FOXP2: variants seen among roughly 807,000 people sequenced by gnomAD.
The protein encoded by FOXP2 is forkhead box P2, also known as forkhead box protein P2.
In FOXP2, 12 loss-of-function variants were observed where a neutral mutation model predicts 115.8. The ratio of observed to expected loss-of-function variants is 0.10; its 90% confidence interval spans 0.07 to 0.17. The LOEUF (loss-of-function observed/expected upper bound fraction) is 0.17, where lower values mean the gene tolerates loss of function less well. FOXP2 is among the 10% of genes least tolerant of loss of function. The pLI is 1.00. For synonymous variants in FOXP2, 328 were observed against 297.7 expected (o/e 1.10, Z -1.05); for missense variants, 629 against 843.5 (o/e 0.75, Z 3.15).
chr7:114,265,705 T>C (rs974202186), intron 1 of FOXP2, among the ~76,000 whole-genome samples: 2 of 152,042 alleles, frequency 1.3e-5, no homozygotes, highest in African/African-American at 4.8e-5. Context: ...AGTGGGCTTC[T>C]GTGTGTGCAC....
intron 1 of FOXP2, among the ~76,000 whole-genome samples, chr7:114,236,252 C>T (rs1394119937): frequency 1.3e-5 from 2 of 152,010 alleles, no homozygotes; most frequent in African/African-American, 2.4e-5. Context: ...CAATGTTTGT[C>T]AATTTAAGAA....
At chr7:114,217,600 T>C (rs1251175703) in intron 1 of FOXP2, among the ~76,000 whole-genome samples, 3 of 152,146 alleles carry the variant, frequency 2.0e-5, no homozygotes, top group Non-Finnish European at 2.9e-5. Context: ...AGGAGGTTGA[T>C]ATGTCAGATA....
At chr7:114,176,302 C>CTTTCTTTCTTTCTTTCTT (rs1562992950) in intron 1 of FOXP2, among the ~76,000 whole-genome samples, 1 of 91,318 alleles carries the variant, frequency 1.1e-5, no homozygotes, top group African/African-American at 9.2e-5. Flanking sequence ...CTTTCTTTCT[C>CTTTCTTTCTTTCTTTCTT]TCTCTCTCTC....
chr7:114,529,875 G>A (rs915509969), intron 2 of FOXP2, among the ~76,000 whole-genome samples: 1 of 151,810 alleles, frequency 6.6e-6, no homozygotes, highest in Non-Finnish European at 1.5e-5. Context: ...AACAGAATAC[G>A]AATTTATATC....
chr7:114,125,146 ATT>A (rs1445048893), intron 1 of FOXP2, among the ~76,000 whole-genome samples: 1 of 151,984 alleles, frequency 6.6e-6, no homozygotes, highest in Non-Finnish European at 1.5e-5. Flanking sequence ...CCAGGATTTT[ATT>A]TTATTTTTTA....
intron 2 of FOXP2, among the ~76,000 whole-genome samples, chr7:114,391,794 T>C (rs1792608754): frequency 6.6e-6 from 1 of 152,218 alleles, no homozygotes; most frequent in African/African-American, 2.4e-5. Context: ...GACACTCAAA[T>C]GTCCACATGA....
At chr7:114,294,201 T>C (rs951527676) in intron 2 of FOXP2, among the ~76,000 whole-genome samples, 2 of 152,170 alleles carry the variant, frequency 1.3e-5, no homozygotes, top group African/African-American at 4.8e-5. Context: ...CCATTGATCA[T>C]ATCAATGTTG....
intron 1 of FOXP2, among the ~76,000 whole-genome samples, chr7:114,129,430 A>G (rs1014347586): frequency 6.6e-6 from 1 of 152,212 alleles, no homozygotes; most frequent in South Asian, 2.1e-4. Flanking sequence ...TAGTGCAAAT[A>G]GTCTGTTAGC....
At chr7:114,500,014 G>A (rs1227069400) in intron 2 of FOXP2, among the ~76,000 whole-genome samples, 1 of 152,040 alleles carries the variant, frequency 6.6e-6, no homozygotes, top group African/African-American at 2.4e-5. Context: ...AGGAGATCGA[G>A]ACCATCCTGG....
At chr7:114,460,328 T>C (rs1795509409) in intron 2 of FOXP2, among the ~76,000 whole-genome samples, 1 of 152,180 alleles carries the variant, frequency 6.6e-6, no homozygotes, top group African/African-American at 2.4e-5. Flanking sequence ...AGTTAAAAAC[T>C]TGCTGTTTTC....
chr7:114,626,469 G>T (rs1199487579), intron 3 of FOXP2, among the ~76,000 whole-genome samples: 2 of 151,586 alleles, frequency 1.3e-5, no homozygotes, highest in African/African-American at 4.8e-5. Context: ...AAAAAATAAG[G>T]AGCGGTTATG....
intron 1 of FOXP2, among the ~76,000 whole-genome samples, chr7:114,095,642 C>G (rs113116285): frequency 5.3e-5 from 8 of 152,106 alleles, no homozygotes; most frequent in African/African-American, 1.4e-4. Context: ...TTTTCCCTGA[C>G]GCTTCTATCA....
intron 1 of FOXP2, among the ~76,000 whole-genome samples, chr7:114,235,366 T>C (rs1008598018): frequency 2.7e-5 from 4 of 149,946 alleles, no homozygotes; most frequent in African/African-American, 4.9e-5. Flanking sequence ...GTATTTTAAC[T>C]TTTTTTTTTC....
chr7:114,330,195 T>C (rs1022105368), intron 2 of FOXP2, among the ~76,000 whole-genome samples: 1 of 152,144 alleles, frequency 6.6e-6, no homozygotes, highest in Non-Finnish European at 1.5e-5. Context: ...AAAATATTAT[T>C]AGAGTTAAGG....
intron 1 of FOXP2, among the ~76,000 whole-genome samples, chr7:114,242,266 T>C (rs1048029498): frequency 6.6e-6 from 1 of 152,042 alleles, no homozygotes; most frequent in Non-Finnish European, 1.5e-5. Flanking sequence ...TCTAGACACA[T>C]GATGATTTTG....
intron 1 of FOXP2, among the ~76,000 whole-genome samples, chr7:114,205,400 A>T (rs1221959329): frequency 1.3e-5 from 2 of 152,222 alleles, no homozygotes; most frequent in Non-Finnish European, 2.9e-5. Flanking sequence ...TAAGAATCAG[A>T]TGACCGTGTG....
intron 2 of FOXP2, among the ~76,000 whole-genome samples, chr7:114,311,169 T>C (rs1797139737): frequency 6.6e-6 from 1 of 152,132 alleles, no homozygotes; most frequent in Non-Finnish European, 1.5e-5. Context: ...TGACCATCAC[T>C]TGATGGTCAC....
intron 1 of FOXP2, among the ~76,000 whole-genome samples, chr7:114,421,484 T>G (rs1314951889): frequency 6.6e-6 from 1 of 151,812 alleles, no homozygotes; most frequent in East Asian, 1.9e-4. Context: ...CCTTTTTGAA[T>G]GAAAGTCTGA....
intron 3 of FOXP2, among the ~76,000 whole-genome samples, chr7:114,570,518 G>C (rs1232067814): frequency 6.6e-6 from 1 of 151,846 alleles, no homozygotes; most frequent in Non-Finnish European, 1.5e-5. Flanking sequence ...TAGCTTACAA[G>C]TGGGAAGTAA....
Sources: allele counts gnomAD v4.1 joint callset (sites outside exome capture counted in the v4.1 genomes callset), GRCh38; gene constraint gnomAD v4.1.1; transcripts MANE v1.5; gene names NCBI Gene and HGNC (gene_info 2026-07-23, HGNC 2026-07-21).